JAM2: variants seen among roughly 807,000 people sequenced by gnomAD.
The protein encoded by JAM2 is junctional adhesion molecule 2, also known as junctional adhesion molecule B.
In JAM2, 17 loss-of-function variants were observed where a neutral mutation model predicts 42.0. That is an observed-to-expected ratio of 0.40 (90% confidence interval 0.28 to 0.61). The LOEUF is 0.61. Among genes scored for constraint, JAM2 ranks in the 20% least tolerant of loss-of-function variants. The pLI, the probability that JAM2 is intolerant of heterozygous loss-of-function variation, is 0.37. For synonymous variants in JAM2, 118 were observed against 128.6 expected (o/e 0.92, Z 0.56); for missense variants, 319 against 358.3 (o/e 0.89, Z 0.89).
chr21:25,653,106 C>T (rs2032826999), intron 1 of JAM2, among the ~76,000 whole-genome samples: 1 of 152,178 alleles, frequency 6.6e-6, no homozygotes, highest in Non-Finnish European at 1.5e-5. Context: ...ATGATATGTG[C>T]CCATTGGTCA....
intron 8 of JAM2, chr21:25,711,530 G>A (rs2034383669): frequency 2.5e-6 from 1 of 395,710 alleles, no homozygotes; most frequent in East Asian, 7.4e-5. Flanking sequence ...TTGACTTCCT[G>A]TTCCCAGATT....
intron 5 of JAM2, among the ~76,000 whole-genome samples, chr21:25,699,722 C>CAA (rs59490509): frequency 0.015 from 619 of 41,956 alleles, 28 homozygotes; most frequent in East Asian, 0.034. Context: ...GGCTCCGTCT[C>CAA]AAAAAAAAAA....
Position 25,702,284 on chromosome 21 carries a change from T to C in JAM2, c.697+15T>C. 2 of 1,530,182 alleles carry C rather than the reference T, an allele frequency of 1.3e-6. No individual in the cohort carries two copies. Among genetic ancestry groups the C allele is most frequent in the Non-Finnish European group, 1.8e-6 (2 of 1,110,184 alleles). 94.8% of individuals were successfully genotyped at this position (1,530,182 alleles called of 1,614,324 possible). On this transcript the variant is annotated intron_variant, in intron 6 of 9. Coordinates refer to ENST00000480456, the MANE Select transcript of JAM2 (RefSeq NM_021219.4). ...AATGCAAGTAGGTAAGCATGAAATA[T>C]TGGGAGGAACAAATGGTTTGCAATT... is the stretch of plus-strand genomic sequence containing the variant.
Position 25,651,591 on chromosome 21 carries a change from G to A in JAM2, c.67+11703G>A, listed in dbSNP as rs1600993548. On this transcript the variant is annotated intron_variant, in intron 1 of 9. Coordinates refer to ENST00000480456, the MANE Select transcript of JAM2 (RefSeq NM_021219.4). ...CAATATGTAGAAAAATTCTATATTT[G>A]CCCTTTGACCCATCAACCCCGTTAC... 2.6e-5 allele frequency among the ~76,000 whole-genome samples: 4 copies of A among 152,270 alleles called. No homozygotes were observed. The South Asian group carries it at 8.3e-4, about 32-fold the overall frequency.
At chr21:25,709,543 A>G in intron 8 of JAM2, 94 bp downstream of exon 8, 1 of 804,700 alleles carries the variant, frequency 1.2e-6, no homozygotes, top group South Asian at 2.0e-5. Context: ...AAGTTGGGTT[A>G]TTTGTGTAGG....
intron 1 of JAM2, among the ~76,000 whole-genome samples, chr21:25,640,661 T>G (rs1276216241): frequency 6.6e-6 from 1 of 152,230 alleles, no homozygotes; most frequent in East Asian, 1.9e-4. Flanking sequence ...GCCGTTATTT[T>G]GTTTTCTTCG....
rs923903830 is a variant in JAM2, at chr21:25,691,334, A to G, written c.241+1361A>G. On this transcript the variant is annotated intron_variant, in intron 3 of 9. Transcript: ENST00000480456. ...GTTGCCATTTCTGGCATATGCAGAA[A>G]TGCAAAACTATTATTTTATGCAACA... Among the ~76,000 whole-genome samples, 4 of 152,354 alleles carry G rather than the reference A, an allele frequency of 2.6e-5. No homozygotes were observed. In the South Asian group the frequency reaches 8.3e-4, roughly 32 times the overall value.
At chr21:25,703,306 T>C (rs899122516) in intron 6 of JAM2, among the ~76,000 whole-genome samples, 2 of 152,248 alleles carry the variant, frequency 1.3e-5, no homozygotes, top group Non-Finnish European at 2.9e-5. Context: ...TATTAGTTAC[T>C]TTTTCTTAGC....
In JAM2 at chr21:25,639,546, C is replaced by T. The variant is rs1418680181; in HGVS notation, c.-276C>T. 5 of 361,128 alleles carry T rather than the reference C, an allele frequency of 1.4e-5. No individual in the cohort carries two copies. Among genetic ancestry groups the T allele is most frequent in the African/African-American group, 2.1e-5 (1 of 47,632 alleles). 22.4% of individuals were successfully genotyped at this position (361,128 alleles called of 1,614,324 possible). A position where few individuals can be genotyped will look rare whatever the true frequency, so the allele number is the denominator to read the frequency against. Reference sequence around the variant, plus strand: ...CCTCGCTAGGACCCGGCGGACGCCTCGTCTGGTTTTCACGCCCTCTAGCCC... The same window carrying T: ...CCTCGCTAGGACCCGGCGGACGCCTTGTCTGGTTTTCACGCCCTCTAGCCC... On this transcript the variant is annotated 5_prime_UTR_variant, in exon 1 of 10. Coordinates refer to ENST00000480456, the MANE Select transcript of JAM2 (RefSeq NM_021219.4).
chr21:25,663,617 G>A (rs1473173148), intron 1 of JAM2, among the ~76,000 whole-genome samples: 1 of 152,052 alleles, frequency 6.6e-6, no homozygotes, highest in Admixed American at 6.5e-5. Context: ...GGCTTTATAA[G>A]GAAAGGAAGA....
Position 25,673,288 on chromosome 21 carries a change from T to C in JAM2, c.68-10595T>C, listed in dbSNP as rs530385925. Among the ~76,000 whole-genome samples the C allele has an allele frequency of 8.5e-5, 13 of 152,296 alleles. No individual in the cohort carries two copies. In the South Asian group the frequency reaches 2.3e-3, roughly 27 times the overall value. ...ATCTCTTTCTAATATCACTGAAAAA[T>C]TTTAATCTAGTTGTTTGTGCAATGG... On this transcript the variant is annotated intron_variant, in intron 1 of 9. Coordinates refer to ENST00000480456, the MANE Select transcript of JAM2 (RefSeq NM_021219.4).
rs1332382159 is a variant in JAM2 at position 25,715,967 on chromosome 21, T to G, written c.*1295T>G. On this transcript the variant is annotated 3_prime_UTR_variant, in exon 10 of 10. Transcript: ENST00000480456. ...TTGCTACCTTTGACAACTATGAACATGATGGTTAATCTTCTTTCTTTTTTT... is the reference window on the plus strand; with the variant it reads ...TTGCTACCTTTGACAACTATGAACAGGATGGTTAATCTTCTTTCTTTTTTT... 1 of 150,852 alleles carries G rather than the reference T, an allele frequency of 6.6e-6. No homozygotes were observed. Among genetic ancestry groups the G allele is most frequent in the Non-Finnish European group, 1.5e-5 (1 of 68,042 alleles). 9.3% of individuals were successfully genotyped at this position (150,852 alleles called of 1,614,324 possible).
At chr21:25,709,145 T>C (rs1187183791) in intron 7 of JAM2, among the ~76,000 whole-genome samples, 4 of 151,462 alleles carry the variant, frequency 2.6e-5, no homozygotes, top group Non-Finnish European at 5.9e-5. Context: ...ATTATTATTG[T>C]TATTATTATT....
rs558385860 is a variant in JAM2 at position 25,680,840 on chromosome 21, A to T, written c.68-3043A>T. Among the ~76,000 whole-genome samples, 6 of 152,172 alleles carry T rather than the reference A, an allele frequency of 3.9e-5. No homozygotes were observed. The East Asian group carries it at 1.2e-3, about 29-fold the overall frequency. On this transcript the variant is annotated intron_variant, in intron 1 of 9. Transcript: ENST00000480456. ...TGGATGGGCAGAACAAGGAGGAGGA[A>T]GAAGAACTCACAAAGCAGACAGAAT...
intron 1 of JAM2, among the ~76,000 whole-genome samples, chr21:25,681,906 C>T (rs978906048): frequency 1.3e-5 from 2 of 152,138 alleles, no homozygotes; most frequent in East Asian, 1.9e-4. Context: ...GGCGTGAACC[C>T]GGGAGGCGGA....
chr21:25,711,672 C>T, intron 8 of JAM2: 1 of 268,892 alleles, frequency 3.7e-6, no homozygotes, highest in South Asian at 3.6e-5. Flanking sequence ...AGTGTTGCTA[C>T]TTCCCACCCC....
intron 8 of JAM2, 135 bp from the exon 9 acceptor site, chr21:25,712,204 CT>C: frequency 1.4e-6 from 1 of 692,460 alleles, no homozygotes; most frequent in East Asian, 2.7e-5. Flanking sequence ...TAAGAATTGT[CT>C]TTTTTTCTAC....
At chr21:25,695,510 G>A (rs971654436) in intron 4 of JAM2, among the ~76,000 whole-genome samples, 21 of 152,054 alleles carry the variant, frequency 1.4e-4, no homozygotes, top group African/African-American at 4.8e-4. Context: ...CAGACGGGGC[G>A]GCCGCGGGGC....
At chr21:25,671,468 T>A (rs1249443641) in intron 1 of JAM2, among the ~76,000 whole-genome samples, 1 of 152,124 alleles carries the variant, frequency 6.6e-6, no homozygotes, top group African/African-American at 2.4e-5. Context: ...TGCCTATTTA[T>A]TATATACAAC....
Sources: gnomAD v4.1 joint callset for allele counts (sites outside exome capture counted in the v4.1 genomes callset) on GRCh38, gnomAD v4.1.1 for gene constraint, MANE v1.5 for transcripts, NCBI Gene and HGNC (gene_info 2026-07-23, HGNC 2026-07-21) for gene names.